The following DCC variants were observed in gnomAD, a reference collection of about 807,000 sequenced individuals.
DCC encodes the protein netrin receptor DCC.
Under a neutral mutation model 172.5 loss-of-function variants are expected in DCC, and 58 were observed. The ratio of observed to expected loss-of-function variants is 0.34; its 90% CI spans 0.27 to 0.42. DCC has a LOEUF of 0.42. Among genes scored for constraint, DCC ranks in the 10% least tolerant of loss-of-function variants. The pLI is 1.00. For missense variants in DCC, 1,740 were observed against 1,791.0 expected (o/e 0.97, Z 0.51); for synonymous variants, 709 against 644.5 (o/e 1.10, Z -1.52).
intron 2 of DCC, among the ~76,000 whole-genome samples, chr18:52,831,352 AG>A (rs2038610077): frequency 6.6e-6 from 1 of 152,146 alleles, no homozygotes; most frequent in African/African-American, 2.4e-5. Flanking sequence ...GAAAAGCCAA[AG>A]AAGGAGAAAT....
At chr18:53,366,836 G>A (rs1352968322) in intron 15 of DCC, among the ~76,000 whole-genome samples, 14 of 152,180 alleles carry the variant, frequency 9.2e-5, no homozygotes. Context: ...CCCACTCACA[G>A]AATGCAGTAG....
At chr18:52,776,206 A>G (rs935031990) in intron 2 of DCC, among the ~76,000 whole-genome samples, 2 of 152,192 alleles carry the variant, frequency 1.3e-5, no homozygotes, top group Non-Finnish European at 2.9e-5. Flanking sequence ...GAAGGAAACA[A>G]TTTTATAATA....
chr18:53,075,363 AGT>A (rs1202066703), intron 7 of DCC, among the ~76,000 whole-genome samples: 3 of 152,226 alleles, frequency 2.0e-5, no homozygotes, highest in African/African-American at 7.2e-5. Context: ...AAGCCAGCTC[AGT>A]GCTAATCAAG....
At chr18:53,501,562 G>GGTAAGAACCTTAACTATTCTATA (rs2046098914) in intron 27 of DCC, among the ~76,000 whole-genome samples, 1 of 150,168 alleles carries the variant, frequency 6.7e-6, no homozygotes, top group Non-Finnish European at 1.5e-5. Context: ...AATGAGGAAA[G>GGTAAGAACCTTAACTATTCTATA]GTAAGAACCT....
intron 14 of DCC, among the ~76,000 whole-genome samples, chr18:53,324,796 G>A (rs1187341664): frequency 2.0e-5 from 3 of 152,006 alleles, no homozygotes; most frequent in Non-Finnish European, 2.9e-5. Flanking sequence ...TAAGAATTAA[G>A]CTTCAAATTT....
intron 13 of DCC, among the ~76,000 whole-genome samples, chr18:53,306,680 T>C (rs942176505): frequency 2.0e-5 from 3 of 152,254 alleles, no homozygotes; most frequent in Non-Finnish European, 4.4e-5. Context: ...TTCTGATGAC[T>C]CTGCAGACAC....
chr18:53,179,700 C>A (rs1019488922), intron 9 of DCC, among the ~76,000 whole-genome samples: 1 of 151,968 alleles, frequency 6.6e-6, no homozygotes, highest in Non-Finnish European at 1.5e-5. Flanking sequence ...GTTCTTTGAC[C>A]AATGTATAAT....
In DCC at chr18:52,394,330, G is replaced by T. The variant is rs190604168; in HGVS notation, c.91+53452G>T. Among the ~76,000 whole-genome samples the T allele has an allele frequency of 2.6e-5, 4 of 152,108 alleles. No individual in the cohort carries two copies. The East Asian group carries it at 7.8e-4, about 30-fold the overall frequency. ...TGCCCAGGCTGGAGTGCAGAAGTGT[G>T]ATCATAGCTCACTACAGCCTTGAAC... On this transcript the variant is annotated intron_variant, in intron 1 of 28. Coordinates refer to ENST00000442544, the MANE Select transcript of DCC (RefSeq NM_005215.4).
intron 7 of DCC, among the ~76,000 whole-genome samples, chr18:53,089,385 CG>C (rs2042969841): frequency 6.6e-6 from 1 of 151,934 alleles, no homozygotes; most frequent in African/African-American, 2.4e-5. Flanking sequence ...TGCACCCGGC[CG>C]TACTCATGTA....
intron 2 of DCC, among the ~76,000 whole-genome samples, chr18:52,754,561 C>A (rs1017745102): frequency 6.6e-6 from 1 of 152,176 alleles, no homozygotes; most frequent in African/African-American, 2.4e-5. Context: ...CATCAGAAAC[C>A]AATCATGCTG....
intron 1 of DCC, among the ~76,000 whole-genome samples, chr18:52,394,950 G>T (rs1406204453): frequency 6.6e-6 from 1 of 152,054 alleles, no homozygotes; most frequent in Non-Finnish European, 1.5e-5. Context: ...TTGAGAAAGA[G>T]ACTATTTCCC....
intron 1 of DCC, among the ~76,000 whole-genome samples, chr18:52,672,498 G>T (rs757215213): frequency 6.6e-6 from 1 of 151,854 alleles, no homozygotes; most frequent in Admixed American, 6.6e-5. Flanking sequence ...ATTTTCTCCC[G>T]TTTCTTTCCT....
rs560913495 is a variant in DCC, at chr18:52,783,863, T to C, written c.412+31489T>C. Among the ~76,000 whole-genome samples the C allele has an allele frequency of 1.5e-3, 231 of 152,212 alleles. 2 individuals carry two copies. Among genetic ancestry groups the C allele is most frequent in the African/African-American group, 5.3e-3 (222 of 41,560 alleles). ...ATGGGGTACATATCATATTTTGATATATTTATACAATGTGGAGGAATGATC... is the reference window on the plus strand; with the variant it reads ...ATGGGGTACATATCATATTTTGATACATTTATACAATGTGGAGGAATGATC... On this transcript the variant is annotated intron_variant, in intron 2 of 28. Coordinates refer to ENST00000442544, the MANE Select transcript of DCC (RefSeq NM_005215.4).
chr18:52,676,662 G>T (rs79082491), intron 1 of DCC, among the ~76,000 whole-genome samples: 2,931 of 152,248 alleles, frequency 0.019, 89 homozygotes, highest in African/African-American at 0.067. Context: ...GGGTGCACAA[G>T]AAAAGGGTCA....
intron 1 of DCC, among the ~76,000 whole-genome samples, chr18:52,711,912 G>C (rs1318341767): frequency 6.6e-6 from 1 of 151,982 alleles, no homozygotes; most frequent in Non-Finnish European, 1.5e-5. Context: ...GTGTACATTT[G>C]ACTGCTCTGC....
At position 52,711,681 on chromosome 18, in the gene DCC, G is replaced by A. The variant is rs1003841511; in HGVS notation, c.92-40373G>A. ...ATTTTGCTGCCATTATTTAGGAGAG[G>A]ATGGAAGTGCCACTACCCCACTACA... On this transcript the variant is annotated intron_variant, in intron 1 of 28. Coordinates refer to ENST00000442544, the MANE Select transcript of DCC (RefSeq NM_005215.4). 2.0e-5 allele frequency among the ~76,000 whole-genome samples: 3 copies of A among 152,186 alleles called. No homozygotes were observed. The South Asian group carries it at 6.2e-4, about 32-fold the overall frequency.
At chr18:52,837,652 C>T (rs112049267) in intron 2 of DCC, among the ~76,000 whole-genome samples, 23 of 152,126 alleles carry the variant, frequency 1.5e-4, no homozygotes, top group Admixed American at 1.2e-3. Flanking sequence ...TCCAAACTTT[C>T]CCATATTTTC....
chr18:52,633,776 G>A (rs2034721004), intron 1 of DCC, among the ~76,000 whole-genome samples: 1 of 152,174 alleles, frequency 6.6e-6, no homozygotes. Flanking sequence ...AACAGAGACA[G>A]GAGTGCCAGA....
intron 12 of DCC, among the ~76,000 whole-genome samples, chr18:53,301,937 A>C (rs1490501068): frequency 6.6e-6 from 1 of 152,166 alleles, no homozygotes; most frequent in East Asian, 1.9e-4. Flanking sequence ...GGCTTAAAAA[A>C]CAGGCATTTA....
Sources: gnomAD v4.1 joint callset for allele counts (sites outside exome capture counted in the v4.1 genomes callset) on GRCh38, gnomAD v4.1.1 for gene constraint, MANE v1.5 for transcripts, NCBI Gene and HGNC (gene_info 2026-07-23, HGNC 2026-07-21) for gene names.